Variants in TFCP2 observed in about 807,000 individuals in gnomAD.
The protein encoded by TFCP2 is transcription factor CP2.
In TFCP2, 33 loss-of-function variants were observed where a neutral mutation model predicts 73.4. That is an observed-to-expected ratio of 0.45 (90% CI 0.34 to 0.60). TFCP2 has a LOEUF of 0.60. Ranked by LOEUF, TFCP2 falls within the 20% of genes least tolerant of loss-of-function variation. TFCP2 has a pLI of 0.01. For synonymous variants in TFCP2, 193 were observed against 211.6 expected (o/e 0.91, Z 0.76); for missense variants, 352 against 604.0 (o/e 0.58, Z 4.37).
At chr12:51,119,953 T>G (rs1294411662) in intron 1 of TFCP2, among the ~76,000 whole-genome samples, 1 of 149,090 alleles carries the variant, frequency 6.7e-6, no homozygotes, top group African/African-American at 2.5e-5. Flanking sequence ...CCGAGGCGGG[T>G]GGATCACCTG....
In TFCP2 at chr12:51,124,619, G is replaced by GCAGGTAGGTC. The variant is rs759416683; in HGVS notation, c.123-5857_123-5848dup. The GCAGGTAGGTC allele has an allele frequency of 5.6e-6, 3 of 537,828 alleles. No individual in the cohort carries two copies. In the African/African-American group the frequency reaches 5.7e-5, roughly 10 times the overall value. The allele number at this position is 537,828 out of a possible 1,614,324, so 33.3% of individuals were successfully genotyped here. The stretch of plus-strand genomic sequence containing the variant: ...GCCGGAGGAGCGGACTGCCCCGCCG[G>GCAGGTAGGTC]CAGGTAGGTCATGTTCCGAGAGCCT... On this transcript the variant is annotated intron_variant, in intron 1 of 14. Transcript: ENST00000257915.
chr12:51,154,222 A>G lies in TFCP2; in HGVS notation c.122+18079T>C, dbSNP rs551115057. 5.9e-5 allele frequency among the ~76,000 whole-genome samples: 9 copies of G among 152,308 alleles called. No homozygotes were observed. In the East Asian group the frequency reaches 1.3e-3, roughly 23 times the overall value. On this transcript the variant is annotated intron_variant, in intron 1 of 14. Transcript: ENST00000257915. ...TTTGAGTATACATTAGGTCATCCTT[A>G]TCTGATGGGGGGGATCCAAGACTCC...
chr12:51,107,548 C>G lies in TFCP2; in HGVS notation c.718-202G>C, dbSNP rs554525479. 2.6e-5 allele frequency among the ~76,000 whole-genome samples: 4 copies of G among 152,222 alleles called. 1 individual carries two copies. In the South Asian group the frequency reaches 8.3e-4, roughly 32 times the overall value. ...TTGAAAAGAATCAGATCTATAGCTA[C>G]TGACATGGAAAGATCTCTAAAGCAC... On this transcript the variant is annotated intron_variant, in intron 6 of 14. Transcript: ENST00000257915.
At chr12:51,109,306 CGCTA>C in intron 5 of TFCP2, 33 bp from the exon 6 acceptor site, 3 of 1,607,752 alleles carry the variant, frequency 1.9e-6, no homozygotes, top group Non-Finnish European at 2.6e-6. Flanking sequence ...GCTTCAGTAC[CGCTA>C]GCTAGCCAAA....
intron 1 of TFCP2, among the ~76,000 whole-genome samples, chr12:51,124,455 C>T (rs1370354843): frequency 6.6e-6 from 1 of 151,308 alleles, no homozygotes; most frequent in Non-Finnish European, 1.5e-5. Flanking sequence ...AGTGATTTTA[C>T]TTTTATTTCC....
chr12:51,126,163 G>A (rs1256386873), intron 1 of TFCP2, among the ~76,000 whole-genome samples: 1 of 150,628 alleles, frequency 6.6e-6, no homozygotes, highest in Non-Finnish European at 1.5e-5. Context: ...AACCCGGGAG[G>A]CGGAGCTTGT....
At chr12:51,127,438 C>G (rs1320602061) in intron 1 of TFCP2, among the ~76,000 whole-genome samples, 2 of 152,174 alleles carry the variant, frequency 1.3e-5, no homozygotes, top group Non-Finnish European at 2.9e-5. Context: ...CAGAATTAGA[C>G]AGACATACAC....
intron 1 of TFCP2, among the ~76,000 whole-genome samples, chr12:51,149,539 G>A (rs1428811901): frequency 6.6e-6 from 1 of 152,146 alleles, no homozygotes; most frequent in Non-Finnish European, 1.5e-5. Context: ...GTAAAAAGGA[G>A]TAACAGCATA....
intron 1 of TFCP2, among the ~76,000 whole-genome samples, chr12:51,156,345 G>A (rs574660999): frequency 4.6e-5 from 7 of 151,656 alleles, no homozygotes; most frequent in African/African-American, 1.4e-4. Flanking sequence ...AGGAAGCAAG[G>A]GGGGGGGAGG....
intron 1 of TFCP2, chr12:51,124,564 G>A (rs1350348317): frequency 1.1e-5 from 5 of 474,136 alleles, no homozygotes; most frequent in Non-Finnish European, 1.6e-5. Context: ...AGCCTGCGGA[G>A]GTGCAGGCAG....
chr12:51,112,733 T>C (rs1208169334), intron 4 of TFCP2, among the ~76,000 whole-genome samples: 2 of 151,874 alleles, frequency 1.3e-5, no homozygotes, highest in Admixed American at 1.3e-4. Flanking sequence ...TGGGCGTGGT[T>C]GTGGATGCCT....
At chr12:51,122,225 C>T (rs1363790938) in intron 1 of TFCP2, among the ~76,000 whole-genome samples, 1 of 143,522 alleles carries the variant, frequency 7.0e-6, no homozygotes, top group Non-Finnish European at 1.5e-5. Flanking sequence ...AACCAGTTTT[C>T]ATGAAACAGT....
chr12:51,144,782 C>G (rs1358415939), intron 1 of TFCP2, among the ~76,000 whole-genome samples: 1 of 152,234 alleles, frequency 6.6e-6, no homozygotes. Context: ...TTAGACAACA[C>G]TGGACACGGT....
intron 1 of TFCP2, among the ~76,000 whole-genome samples, chr12:51,142,677 C>T (rs1941218403): frequency 6.6e-6 from 1 of 152,192 alleles, no homozygotes; most frequent in Non-Finnish European, 1.5e-5. Flanking sequence ...CATACCATCA[C>T]ATTTGAGTAT....
At chr12:51,126,232 CAAA>C (rs371407608) in intron 1 of TFCP2, among the ~76,000 whole-genome samples, 1 of 87,764 alleles carries the variant, frequency 1.1e-5, no homozygotes, top group African/African-American at 4.6e-5. Flanking sequence ...GACTCTGTCT[CAAA>C]AAAAAAAAAA....
chr12:51,153,952 C>A (rs982911190), intron 1 of TFCP2, among the ~76,000 whole-genome samples: 1 of 152,178 alleles, frequency 6.6e-6, no homozygotes, highest in Non-Finnish European at 1.5e-5. Flanking sequence ...AACCACCATA[C>A]TGTTTTCCAC....
At chr12:51,154,514 T>C (rs1164689427) in intron 1 of TFCP2, among the ~76,000 whole-genome samples, 1 of 152,056 alleles carries the variant, frequency 6.6e-6, no homozygotes, top group Admixed American at 6.6e-5. Flanking sequence ...GCCAATATGA[T>C]AAAATCTCAT....
At chr12:51,151,126 T>G (rs902047134) in intron 1 of TFCP2, among the ~76,000 whole-genome samples, 2 of 151,818 alleles carry the variant, frequency 1.3e-5, no homozygotes, top group Non-Finnish European at 2.9e-5. Context: ...TCGGGAAGAG[T>G]AACTGCAAAT....
chr12:51,106,764 G>T (rs1248996853), intron 7 of TFCP2, 151 bp from the exon 8 acceptor site: 23 of 641,014 alleles, frequency 3.6e-5, no homozygotes, highest in Non-Finnish European at 5.9e-5. Flanking sequence ...TTCTCTTTCC[G>T]CCATCTTGGA....
Sources: gnomAD v4.1 joint callset for allele counts (sites outside exome capture counted in the v4.1 genomes callset) on GRCh38, gnomAD v4.1.1 for gene constraint, MANE v1.5 for transcripts, NCBI Gene and HGNC (gene_info 2026-07-23, HGNC 2026-07-21) for gene names.